Variants in RBFOX1 observed in about 807,000 individuals in gnomAD.
RBFOX1 encodes the protein RNA binding fox-1 homolog 1, also known as RNA binding protein fox-1 homolog 1.
A neutral mutation model predicts 57.7 loss-of-function variants in RBFOX1; 8 were observed. The observed-to-expected ratio is 0.14, with a 90% CI of 0.08 to 0.25. The LOEUF is 0.25. Ranked by LOEUF, RBFOX1 falls within the 10% of genes least tolerant of loss-of-function variation. The pLI, the probability that RBFOX1 is intolerant of heterozygous loss-of-function variation, is 1.00. For synonymous variants in RBFOX1, 326 were observed against 222.4 expected (o/e 1.47, Z -4.15); for missense variants, 611 against 548.5 (o/e 1.11, Z -1.14).
chr16:5,995,272 T>G (rs1713884452), intron 4 of RBFOX1, among the ~76,000 whole-genome samples: 1 of 152,234 alleles, frequency 6.6e-6, no homozygotes, highest in African/African-American at 2.4e-5. Flanking sequence ...TTTTGCAAAC[T>G]GCTAAACATA....
At chr16:6,725,767 G>T (rs970028848) in intron 3 of RBFOX1, among the ~76,000 whole-genome samples, 4 of 152,128 alleles carry the variant, frequency 2.6e-5, no homozygotes, top group African/African-American at 9.7e-5. Flanking sequence ...AACCAAAAAT[G>T]TTGAAAATTC....
At chr16:5,957,884 A>G (rs991559277) in intron 4 of RBFOX1, among the ~76,000 whole-genome samples, 2 of 152,062 alleles carry the variant, frequency 1.3e-5, no homozygotes, top group African/African-American at 4.8e-5. Context: ...TAGTCACCCT[A>G]TTGTACTATT....
chr16:7,089,953 A>G (rs565190337), intron 4 of RBFOX1, among the ~76,000 whole-genome samples: 36 of 151,328 alleles, frequency 2.4e-4, no homozygotes, highest in African/African-American at 8.2e-4. Context: ...GAACAGCTGG[A>G]TGCAGGCTGT....
chr16:5,594,884 C>T (rs1375914067), intron 2 of RBFOX1, among the ~76,000 whole-genome samples: 1 of 149,936 alleles, frequency 6.7e-6, no homozygotes, highest in African/African-American at 2.5e-5. Context: ...ATAATCCCAG[C>T]ACTTTGGGAG....
chr16:6,091,806 G>C (rs2096179050), intron 1 of RBFOX1, among the ~76,000 whole-genome samples: 1 of 152,206 alleles, frequency 6.6e-6, no homozygotes, highest in African/African-American at 2.4e-5. Context: ...ACTCCACCCT[G>C]TATGACACAG....
intron 2 of RBFOX1, among the ~76,000 whole-genome samples, chr16:5,496,763 CT>C (rs779164345): frequency 1.4e-4 from 21 of 152,282 alleles, no homozygotes; most frequent in Admixed American, 4.6e-4. Context: ...CAATCAGCTG[CT>C]TCATCCCTGT....
intron 11 of RBFOX1, among the ~76,000 whole-genome samples, chr16:7,644,531 G>A (rs183693607): frequency 1.3e-5 from 2 of 152,220 alleles, no homozygotes; most frequent in East Asian, 1.9e-4. Flanking sequence ...CTCACAGGCC[G>A]CTCCTTAGCA....
chr16:7,641,788 G>A (rs1277330875), intron 11 of RBFOX1, among the ~76,000 whole-genome samples: 1 of 152,150 alleles, frequency 6.6e-6, no homozygotes, highest in Non-Finnish European at 1.5e-5. Context: ...CTAGTGCTGT[G>A]ACCTTGGCCA....
intron 1 of RBFOX1, among the ~76,000 whole-genome samples, chr16:6,179,098 G>A (rs1365630773): frequency 6.6e-6 from 1 of 152,190 alleles, no homozygotes; most frequent in African/African-American, 2.4e-5. Context: ...TTACCACAGG[G>A]AGGGTGGATG....
intron 4 of RBFOX1, among the ~76,000 whole-genome samples, chr16:7,426,420 T>TCC (rs2098613313): frequency 6.6e-6 from 1 of 152,098 alleles, no homozygotes; most frequent in African/African-American, 2.4e-5. Flanking sequence ...TCTTATTAAC[T>TCC]CCCCACCTCT....
chr16:5,992,515 T>C (rs1286768325), intron 4 of RBFOX1, among the ~76,000 whole-genome samples: 1 of 152,156 alleles, frequency 6.6e-6, no homozygotes, highest in Non-Finnish European at 1.5e-5. Flanking sequence ...CTGGTATGAG[T>C]CACCAAGCCT....
At chr16:6,292,087 A>T (rs981602218) in intron 1 of RBFOX1, among the ~76,000 whole-genome samples, 1 of 152,016 alleles carries the variant, frequency 6.6e-6, no homozygotes, top group South Asian at 2.1e-4. Flanking sequence ...TAAACAAGAG[A>T]AGGTGTAATT....
intron 4 of RBFOX1, among the ~76,000 whole-genome samples, chr16:5,992,884 C>T (rs557994371): frequency 4.6e-5 from 7 of 152,250 alleles, no homozygotes; most frequent in African/African-American, 1.4e-4. Context: ...TTGCAGTGAG[C>T]CAAGATCATG....
At chr16:7,323,796 G>C (rs2096576013) in intron 4 of RBFOX1, among the ~76,000 whole-genome samples, 1 of 152,226 alleles carries the variant, frequency 6.6e-6, no homozygotes, top group Admixed American at 6.5e-5. Flanking sequence ...AGAAGATGAA[G>C]ATGTAGGAGG....
intron 1 of RBFOX1, among the ~76,000 whole-genome samples, chr16:6,181,003 T>G (rs1054638632): frequency 6.6e-6 from 1 of 152,196 alleles, no homozygotes; most frequent in African/African-American, 2.4e-5. Context: ...TGGGTTTGTG[T>G]GTATGTGGAG....
At chr16:6,596,391 T>A (rs1364485557) in intron 2 of RBFOX1, among the ~76,000 whole-genome samples, 1 of 152,198 alleles carries the variant, frequency 6.6e-6, no homozygotes, top group Non-Finnish European at 1.5e-5. Flanking sequence ...ATTGACTAGG[T>A]ACTTCTTACT....
At chr16:5,370,087 A>G (rs2065819463) in intron 1 of RBFOX1, among the ~76,000 whole-genome samples, 1 of 152,114 alleles carries the variant, frequency 6.6e-6, no homozygotes, top group Admixed American at 6.5e-5. Context: ...CCATGATAGA[A>G]TGCATCAGGG....
At chr16:6,977,008 TATC>T (rs1177132108) in intron 3 of RBFOX1, among the ~76,000 whole-genome samples, 5 of 147,230 alleles carry the variant, frequency 3.4e-5, no homozygotes, top group African/African-American at 7.4e-5. Flanking sequence ...ATATATTGTA[TATC>T]ATATGTATCA....
chr16:7,594,643 T>C (rs184298321), intron 7 of RBFOX1, among the ~76,000 whole-genome samples: 40 of 152,350 alleles, frequency 2.6e-4, no homozygotes, highest in Admixed American at 2.0e-3. Context: ...ATATATGTTA[T>C]CTATCAGTAA....
Sources: gnomAD v4.1 joint callset for allele counts (sites outside exome capture counted in the v4.1 genomes callset) on GRCh38, gnomAD v4.1.1 for gene constraint, MANE v1.5 for transcripts, NCBI Gene and HGNC (gene_info 2026-07-23, HGNC 2026-07-21) for gene names.